The following PLXDC2 variants were observed in gnomAD, a reference collection of about 807,000 sequenced individuals.
The protein encoded by PLXDC2 is plexin domain-containing protein 2.
A neutral mutation model predicts 68.9 loss-of-function variants in PLXDC2; 40 were observed. The ratio of observed to expected loss-of-function variants is 0.58; its 90% CI spans 0.45 to 0.76. PLXDC2 has a LOEUF of 0.76. PLXDC2 is among the 30% of genes least tolerant of loss of function. The pLI is 0.00. For synonymous variants in PLXDC2, 243 were observed against 234.2 expected (o/e 1.04, Z -0.34); for missense variants, 644 against 661.9 (o/e 0.97, Z 0.30).
chr10:19,865,842 G>A (rs1174805267), intron 1 of PLXDC2, among the ~76,000 whole-genome samples: 1 of 152,172 alleles, frequency 6.6e-6, no homozygotes, highest in Non-Finnish European at 1.5e-5. Flanking sequence ...CCAGCTGCCT[G>A]ACACATGATG....
At chr10:19,900,427 T>C (rs1838138110) in intron 1 of PLXDC2, among the ~76,000 whole-genome samples, 1 of 152,110 alleles carries the variant, frequency 6.6e-6, no homozygotes, top group African/African-American at 2.4e-5. Context: ...TATGAAAATG[T>C]ATGCCATTTC....
intron 3 of PLXDC2, among the ~76,000 whole-genome samples, chr10:20,050,431 C>A (rs1835876457): frequency 6.6e-6 from 1 of 152,118 alleles, no homozygotes; most frequent in Non-Finnish European, 1.5e-5. Flanking sequence ...AGACATCCTA[C>A]AGAATGGGAG....
At chr10:20,173,572 C>T (rs948051252) in intron 7 of PLXDC2, among the ~76,000 whole-genome samples, 13 of 152,158 alleles carry the variant, frequency 8.5e-5, no homozygotes, top group South Asian at 2.1e-4. Flanking sequence ...TGCAACACAT[C>T]GCCTTAAGCT....
intron 1 of PLXDC2, among the ~76,000 whole-genome samples, chr10:19,928,095 C>G (rs1038529613): frequency 6.6e-6 from 1 of 152,140 alleles, no homozygotes; most frequent in Non-Finnish European, 1.5e-5. Flanking sequence ...GCCTCCAGTT[C>G]CATCCAACTT....
At chr10:20,119,309 G>T (rs1020810014) in intron 4 of PLXDC2, among the ~76,000 whole-genome samples, 17 of 151,894 alleles carry the variant, frequency 1.1e-4, no homozygotes, top group African/African-American at 3.6e-4. Context: ...GAGAGTCAGC[G>T]AAGGGAGATA....
chr10:19,892,715 C>T (rs143813410), intron 1 of PLXDC2, among the ~76,000 whole-genome samples: 11 of 152,258 alleles, frequency 7.2e-5, no homozygotes, highest in African/African-American at 2.6e-4. Flanking sequence ...ATTTCTTCTG[C>T]TTTCTCCTGC....
At chr10:20,088,321 A>G (rs1202101913) in intron 4 of PLXDC2, among the ~76,000 whole-genome samples, 1 of 152,214 alleles carries the variant, frequency 6.6e-6, no homozygotes, top group Non-Finnish European at 1.5e-5. Flanking sequence ...CCCAAGGCAA[A>G]TGAGAATTTG....
intron 4 of PLXDC2, among the ~76,000 whole-genome samples, chr10:20,081,443 C>G (rs1262246652): frequency 1.3e-5 from 2 of 151,588 alleles, no homozygotes. Flanking sequence ...AAAAGCAGAA[C>G]AGAACATCAG....
At chr10:19,886,478 A>C (rs943813214) in intron 1 of PLXDC2, among the ~76,000 whole-genome samples, 11 of 152,346 alleles carry the variant, frequency 7.2e-5, no homozygotes, top group Non-Finnish European at 8.8e-5. Context: ...AATATACACA[A>C]GTCAATAAAT....
chr10:20,031,884 G>T (rs896584717), intron 2 of PLXDC2, among the ~76,000 whole-genome samples: 1 of 151,854 alleles, frequency 6.6e-6, no homozygotes, highest in Non-Finnish European at 1.5e-5. Context: ...GGAGTGCAGT[G>T]GCATAATCTC....
chr10:20,153,410 T>C (rs1425094240), intron 6 of PLXDC2, among the ~76,000 whole-genome samples: 2 of 152,234 alleles, frequency 1.3e-5, no homozygotes, highest in Non-Finnish European at 2.9e-5. Context: ...GGTTTACGTC[T>C]GCATTTTCCT....
At chr10:20,143,907 T>C (rs1315611165) in intron 5 of PLXDC2, among the ~76,000 whole-genome samples, 1 of 152,138 alleles carries the variant, frequency 6.6e-6, no homozygotes, top group East Asian at 1.9e-4. Flanking sequence ...TAAAGTTTTC[T>C]TGACTTTAGA....
intron 6 of PLXDC2, among the ~76,000 whole-genome samples, chr10:20,157,430 G>T (rs1251001123): frequency 6.6e-6 from 1 of 152,146 alleles, no homozygotes; most frequent in East Asian, 1.9e-4. Context: ...GGCCTGTAAT[G>T]GAAACAAATG....
chr10:20,182,621 G>C (rs967190456), intron 9 of PLXDC2, among the ~76,000 whole-genome samples: 9 of 151,558 alleles, frequency 5.9e-5, no homozygotes, highest in African/African-American at 2.2e-4. Context: ...TGGTAAATAA[G>C]TAACTTTAAA....
At chr10:20,211,615 C>T (rs1199231450) in intron 9 of PLXDC2, 54 bp from the exon 10 acceptor site, 17 of 1,535,766 alleles carry the variant, frequency 1.1e-5, no homozygotes, top group Non-Finnish European at 1.4e-5. Context: ...TTTCTGTCCA[C>T]CACCCTGCAC....
chr10:20,118,986 T>C (rs1833658973), intron 4 of PLXDC2, among the ~76,000 whole-genome samples: 1 of 152,008 alleles, frequency 6.6e-6, no homozygotes, highest in African/African-American at 2.4e-5. Flanking sequence ...TAGAAACTCT[T>C]TGGGAATTAA....
intron 4 of PLXDC2, among the ~76,000 whole-genome samples, chr10:20,137,322 C>T (rs1188280737): frequency 1.3e-5 from 2 of 152,292 alleles, no homozygotes; most frequent in South Asian, 2.1e-4. Context: ...TTGACTGTTA[C>T]ACTCTCATTT....
intron 12 of PLXDC2, among the ~76,000 whole-genome samples, chr10:20,229,356 A>G (rs745951625): frequency 2.0e-5 from 3 of 152,064 alleles, no homozygotes; most frequent in Non-Finnish European, 2.9e-5. Context: ...AATGGGAAGG[A>G]AGCCAACTGC....
intron 6 of PLXDC2, among the ~76,000 whole-genome samples, chr10:20,161,330 TAAAAA>T (rs35416320): frequency 2.0e-5 from 3 of 149,066 alleles, no homozygotes; most frequent in African/African-American, 7.4e-5. Flanking sequence ...AAATAAAAAT[TAAAAA>T]AAAAAATCCT....
Sources: gnomAD v4.1 joint callset for allele counts (sites outside exome capture counted in the v4.1 genomes callset) on GRCh38, gnomAD v4.1.1 for gene constraint, MANE v1.5 for transcripts, NCBI Gene and HGNC (gene_info 2026-07-23, HGNC 2026-07-21) for gene names.